DSCAM: variants seen among roughly 807,000 people sequenced by gnomAD.
DSCAM encodes the protein cell adhesion molecule DSCAM.
In DSCAM, 47 loss-of-function variants were observed where a neutral mutation model predicts 217.7. That is an observed-to-expected ratio of 0.22 (90% CI 0.17 to 0.28). The LOEUF is 0.28. DSCAM is among the 10% of genes least tolerant of loss of function. The pLI is 1.00. For missense variants in DSCAM, 2,080 were observed against 2,618.3 expected, an observed-to-expected ratio of 0.79 and a Z score of 4.49; for synonymous variants, 1,056 against 1,015.3, an observed-to-expected ratio of 1.04 and a Z score of -0.76.
intron 3 of DSCAM, among the ~76,000 whole-genome samples, chr21:40,538,367 G>A (rs1384182590): frequency 2.0e-5 from 3 of 152,136 alleles, no homozygotes; most frequent in Non-Finnish European, 4.4e-5. Context: ...TGTAGGACCC[G>A]GAGCTGTTGG....
intron 11 of DSCAM, among the ~76,000 whole-genome samples, chr21:40,201,070 A>G (rs2091064404): frequency 6.6e-6 from 1 of 152,188 alleles, no homozygotes; most frequent in Non-Finnish European, 1.5e-5. Flanking sequence ...AGTTACTTAG[A>G]TTATAACCGT....
intron 3 of DSCAM, among the ~76,000 whole-genome samples, chr21:40,462,941 A>T (rs1224657577): frequency 6.6e-6 from 1 of 152,156 alleles, no homozygotes; most frequent in Non-Finnish European, 1.5e-5. Context: ...AGAAATGTTA[A>T]TCTTATTTTT....
chr21:40,235,876 C>T lies in DSCAM; in HGVS notation c.2356+40221G>A, dbSNP rs1333571921. ...AATAAACGTATGTTTGTATCATCAA[C>T]GGGACTAAGAAAAAAAGCTCACTGT... On this transcript the variant is annotated intron_variant, in intron 11 of 32. Transcript: ENST00000400454. 3.3e-5 allele frequency among the ~76,000 whole-genome samples: 5 copies of T among 152,170 alleles called. No homozygotes were observed. In the East Asian group the frequency reaches 9.6e-4, roughly 29 times the overall value.
intron 3 of DSCAM, among the ~76,000 whole-genome samples, chr21:40,500,261 CT>C (rs934014624): frequency 1.2e-4 from 18 of 152,192 alleles, no homozygotes; most frequent in African/African-American, 4.1e-4. Context: ...GAAGAAAGCC[CT>C]TTAAATACAT....
chr21:40,520,799 T>TCC (rs891742852), intron 3 of DSCAM, among the ~76,000 whole-genome samples: 1 of 151,982 alleles, frequency 6.6e-6, no homozygotes, highest in African/African-American at 2.4e-5. Flanking sequence ...AGAACAAGAC[T>TCC]CTCTCTCTCT....
intron 11 of DSCAM, among the ~76,000 whole-genome samples, chr21:40,229,442 T>C (rs1191668811): frequency 1.3e-5 from 2 of 152,230 alleles, no homozygotes; most frequent in African/African-American, 4.8e-5. Context: ...GTGTTACATA[T>C]TCATGGTTGC....
chr21:40,700,730 TCTTTC>T (rs1451996429), intron 2 of DSCAM, among the ~76,000 whole-genome samples: 10 of 149,792 alleles, frequency 6.7e-5, no homozygotes, highest in African/African-American at 2.0e-4. Context: ...ATTCTTTCTT[TCTTTC>T]TTTTTTTTTT....
chr21:40,654,775 C>T (rs759454279), intron 3 of DSCAM, among the ~76,000 whole-genome samples: 14 of 152,114 alleles, frequency 9.2e-5, no homozygotes, highest in Admixed American at 4.6e-4. Flanking sequence ...TGAACAACAC[C>T]GGGCCCATCC....
intron 3 of DSCAM, among the ~76,000 whole-genome samples, chr21:40,569,255 T>C (rs902055326): frequency 6.6e-6 from 1 of 152,216 alleles, no homozygotes; most frequent in Admixed American, 6.5e-5. Context: ...AGACCCTTAC[T>C]CTTGTGATAA....
At chr21:40,846,598 A>T (rs764034805) in intron 1 of DSCAM, 21 bp downstream of exon 1, 2 of 1,143,014 alleles carry the variant, frequency 1.7e-6, no homozygotes, top group Admixed American at 7.8e-5. Context: ...AACGAAATTC[A>T]TCACAAACCG....
At chr21:40,347,547 T>C (rs1306321361) in intron 6 of DSCAM, 123 bp downstream of exon 6, 9 of 1,323,306 alleles carry the variant, frequency 6.8e-6, no homozygotes, top group Non-Finnish European at 9.4e-6. Context: ...GGTAGAGTAC[T>C]AGCTGGTGAG....
At chr21:40,524,536 A>T (rs1213768632) in intron 3 of DSCAM, among the ~76,000 whole-genome samples, 2 of 152,220 alleles carry the variant, frequency 1.3e-5, no homozygotes, top group African/African-American at 4.8e-5. Context: ...GTTATCATGT[A>T]TTAACAATCA....
At chr21:40,696,420 G>A (rs1195889214) in intron 2 of DSCAM, among the ~76,000 whole-genome samples, 1 of 152,216 alleles carries the variant, frequency 6.6e-6, no homozygotes. Context: ...GGTTTCAGGT[G>A]AAGTCCCAGC....
At position 40,150,670 on chromosome 21, in the gene DSCAM, C is replaced by T. The variant is rs1037195022; in HGVS notation, c.3019-5939G>A. ...GTGAATCCATTTGTCTGGCAGTGGG[C>T]TTCATATTCCCAAGGCAAATTAGTG... On this transcript the variant is annotated intron_variant, in intron 16 of 32. Coordinates refer to ENST00000400454, the MANE Select transcript of DSCAM (RefSeq NM_001389.5). Among the ~76,000 whole-genome samples the T allele has an allele frequency of 6.6e-5, 10 of 152,298 alleles. 1 individual carries two copies. Among genetic ancestry groups the T allele is most frequent in the African/African-American group, 1.9e-4 (8 of 41,562 alleles).
intron 10 of DSCAM, among the ~76,000 whole-genome samples, chr21:40,292,708 G>A (rs909895396): frequency 3.9e-5 from 6 of 151,960 alleles, no homozygotes; most frequent in Admixed American, 3.3e-4. Context: ...AAAGATAAAT[G>A]TGACAGAAGT....
chr21:40,489,786 A>AAAAT lies in DSCAM; in HGVS notation c.509-120542_509-120541insATTT, dbSNP rs1555844918. On this transcript the variant is annotated intron_variant, in intron 3 of 32. Coordinates refer to ENST00000400454, the MANE Select transcript of DSCAM (RefSeq NM_001389.5). Reference sequence around the variant, plus strand: ...CGAGACTCCGTCTCAAAAAAAAAAAAAAAAAAAAAAAAAAATAAGTACCAT... The same window carrying AAAAT: ...CGAGACTCCGTCTCAAAAAAAAAAAAAAATAAAAAAAAAAAAAAATAAGTACCAT... Among the ~76,000 whole-genome samples, 37 of 150,286 alleles carry AAAAT rather than the reference A, an allele frequency of 2.5e-4. 1 individual carries two copies. The highest frequency in any genetic ancestry group is 6.6e-4 in the Admixed American group (10 of 15,086).
At chr21:40,248,889 G>A (rs965346580) in intron 11 of DSCAM, among the ~76,000 whole-genome samples, 1 of 152,180 alleles carries the variant, frequency 6.6e-6, no homozygotes, top group Non-Finnish European at 1.5e-5. Context: ...ATCACGGCAG[G>A]AGGCGAAAGC....
At chr21:40,061,215 C>G (rs2089114032) in intron 28 of DSCAM, among the ~76,000 whole-genome samples, 1 of 152,182 alleles carries the variant, frequency 6.6e-6, no homozygotes, top group Non-Finnish European at 1.5e-5. Flanking sequence ...CATAGCCTGC[C>G]TCTATCTTCC....
intron 3 of DSCAM, among the ~76,000 whole-genome samples, chr21:40,461,867 G>C (rs1316251744): frequency 6.6e-6 from 1 of 152,152 alleles, no homozygotes; most frequent in Non-Finnish European, 1.5e-5. Flanking sequence ...CAAAAAGCTG[G>C]GAAACTCAAG....
Sources: allele counts gnomAD v4.1 joint callset (sites outside exome capture counted in the v4.1 genomes callset), GRCh38; gene constraint gnomAD v4.1.1; transcripts MANE v1.5; gene names NCBI Gene and HGNC (gene_info 2026-07-23, HGNC 2026-07-21).